SMAD3: variants seen among roughly 807,000 people sequenced by gnomAD.
SMAD3 encodes the protein MAD homolog 3.
A neutral mutation model predicts 51.8 loss-of-function variants in SMAD3; 12 were observed. That is an observed-to-expected ratio of 0.23 (90% CI 0.15 to 0.38). The LOEUF (loss-of-function observed/expected upper bound fraction) is 0.38. Ranked by LOEUF, SMAD3 falls within the 10% of genes least tolerant of loss-of-function variation. The pLI, the probability that SMAD3 is intolerant of heterozygous loss-of-function variation, is 1.00. For missense variants in SMAD3, 294 were observed against 565.6 expected (o/e 0.52, Z 4.87); for synonymous variants, 238 against 227.7 (o/e 1.05, Z -0.41).
chr15:67,136,824 G>A (rs1400095683), intron 1 of SMAD3, among the ~76,000 whole-genome samples: 1 of 152,194 alleles, frequency 6.6e-6, no homozygotes, highest in Non-Finnish European at 1.5e-5. Flanking sequence ...CCCCCCAAGG[G>A]CAGAGGATGG....
At chr15:67,067,095 T>G (rs1959941913) in intron 1 of SMAD3, among the ~76,000 whole-genome samples, 1 of 141,656 alleles carries the variant, frequency 7.1e-6, no homozygotes, top group Non-Finnish European at 1.5e-5. Context: ...TTTGCCCTTC[T>G]TTTGGTCCAA....
In SMAD3 at chr15:67,170,497, T is replaced by C. The variant is rs1962718083; in HGVS notation, c.608-57T>C. 4 of 1,436,224 alleles carry C rather than the reference T, an allele frequency of 2.8e-6. No individual in the cohort carries two copies. In the Admixed American group the frequency reaches 6.7e-5, roughly 24 times the overall value. 89.0% of individuals were successfully genotyped at this position (1,436,224 alleles called of 1,614,324 possible). On this transcript the variant is annotated intron_variant, in intron 4 of 8. Transcript: ENST00000327367. ...CCTTGATATGTAAGTGTTTAGTAACTTGGCTCTCCAGGCCAAGAATCTTTT... is the reference window on the plus strand; with the variant it reads ...CCTTGATATGTAAGTGTTTAGTAACCTGGCTCTCCAGGCCAAGAATCTTTT...
chr15:67,116,828 A>C (rs539507243), intron 1 of SMAD3, among the ~76,000 whole-genome samples: 91 of 152,326 alleles, frequency 6.0e-4, no homozygotes, highest in African/African-American at 2.1e-3. Context: ...CCAGCTAACC[A>C]GCTTTCTGCT....
Position 67,066,310 on chromosome 15 carries a change from G to A in SMAD3, c.156G>A (p.Glu52=), listed in dbSNP as rs1473140222. Residue 52 remains glutamate (E), a synonymous_variant, in exon 1 of 9, where the codon GAG becomes GAA. Transcript: ENST00000327367. ...AGACGGGGCAGCTGGACGAGCTGGA[G>A]AAGGCCATCACCACGCAGAACGTCA... The part of the protein sequence containing the change: ...LKKTGQLDEL[E]KAITTQNVNT... 6.2e-7 allele frequency: 1 copy of A among 1,613,610 alleles called. No homozygotes were observed. The highest frequency in any genetic ancestry group is 8.5e-7 in the Non-Finnish European group (1 of 1,179,856).
At chr15:67,171,358 T>G (rs1372639040) in intron 5 of SMAD3, among the ~76,000 whole-genome samples, 1 of 152,228 alleles carries the variant, frequency 6.6e-6, no homozygotes, top group African/African-American at 2.4e-5. Flanking sequence ...TTTCCAAGAC[T>G]CAATTTTCTA....
intron 4 of SMAD3, among the ~76,000 whole-genome samples, chr15:67,168,365 C>G (rs1004238086): frequency 6.6e-6 from 1 of 152,198 alleles, no homozygotes; most frequent in African/African-American, 2.4e-5. Context: ...ACCCACCCGG[C>G]GGAGTGACTA....
chr15:67,085,636 A>G (rs1288235611), intron 1 of SMAD3, among the ~76,000 whole-genome samples: 1 of 152,074 alleles, frequency 6.6e-6, no homozygotes, highest in Non-Finnish European at 1.5e-5. Flanking sequence ...AAGGTTCTCA[A>G]CCATGGCTGC....
chr15:67,191,068 A>T lies in SMAD3; in HGVS notation c.*532A>T, dbSNP rs748060441. On this transcript the variant is annotated 3_prime_UTR_variant, in exon 9 of 9. Transcript: ENST00000327367. ...CCGCCCCGCCCCACCACTCCAGCAG[A>T]CCTTGCCCCTTGTGAGCTGGATAGA... 6 of 178,254 alleles carry T rather than the reference A, an allele frequency of 3.4e-5. No individual in the cohort carries two copies. Among genetic ancestry groups the T allele is most frequent in the Non-Finnish European group, 1.1e-5 (1 of 87,884 alleles). 11.0% of individuals were successfully genotyped at this position (178,254 alleles called of 1,614,324 possible). A position where few individuals can be genotyped will look rare whatever the true frequency, so the allele number is the denominator to read the frequency against.
At chr15:67,077,136 C>A (rs183763470) in intron 1 of SMAD3, among the ~76,000 whole-genome samples, 209 of 151,898 alleles carry the variant, frequency 1.4e-3, no homozygotes, top group Non-Finnish European at 2.6e-3. Flanking sequence ...TCTGTGTAAC[C>A]GTTTGTTACC....
At chr15:67,147,009 G>A (rs1449310232) in intron 1 of SMAD3, 1 of 152,172 alleles carries the variant, frequency 6.6e-6, no homozygotes, top group Non-Finnish European at 1.5e-5. Flanking sequence ...GCCCTGCCAG[G>A]GGCCCCTCCC....
At chr15:67,127,753 G>T (rs991724099) in intron 1 of SMAD3, among the ~76,000 whole-genome samples, 5 of 152,042 alleles carry the variant, frequency 3.3e-5, no homozygotes, top group African/African-American at 1.2e-4. Flanking sequence ...TACTGTACAC[G>T]CTTATGGTCA....
At chr15:67,088,619 G>C (rs113132254) in intron 1 of SMAD3, among the ~76,000 whole-genome samples, 2 of 152,278 alleles carry the variant, frequency 1.3e-5, no homozygotes, top group African/African-American at 4.8e-5. Flanking sequence ...GGAGGGGGCA[G>C]CTGCTCTAGG....
Position 67,065,853 on chromosome 15 carries a change from T to G in SMAD3, c.-302T>G, listed in dbSNP as rs1300741592. 4.6e-6 allele frequency: 1 copy of G among 216,148 alleles called. No individual in the cohort carries two copies. Among genetic ancestry groups the G allele is most frequent in the Non-Finnish European group, 9.3e-6 (1 of 107,564 alleles). 13.4% of individuals were successfully genotyped at this position (216,148 alleles called of 1,614,324 possible). A position where few individuals can be genotyped will look rare whatever the true frequency, so the allele number is the denominator to read the frequency against. On this transcript the variant is annotated 5_prime_UTR_variant, in exon 1 of 9. Transcript: ENST00000327367. ...CCCAAACTTCTGCTGCCACTTGGAG[T>G]CTCGCGGCCGCCGCCTCCGCCCCGC... is the stretch of plus-strand genomic sequence containing the variant.
chr15:67,142,532 CT>C (rs1292839120), intron 1 of SMAD3, among the ~76,000 whole-genome samples: 1 of 152,084 alleles, frequency 6.6e-6, no homozygotes, highest in Non-Finnish European at 1.5e-5. Flanking sequence ...GTGTTAAGTG[CT>C]TTTTTCTGCT....
In SMAD3 at chr15:67,165,277, G is replaced by A. The variant is rs1962550001; in HGVS notation, c.425G>A (p.Arg142His). ...TPVLPPVLVPRHTEIPAEFPP... is the reference protein window; with the variant it reads ...TPVLPPVLVPHHTEIPAEFPP... ...GTTCTACCTCCTGTGTTGGTGCCAC[G>A]CCACACAGAGATCCCGGCCGAGTTC... The change falls in exon 3 of 9, where the codon CGC becomes CAC. Residue 142 changes from arginine to histidine, a missense_variant. Around this residue, in one of 3 missense-constraint regions of SMAD3, gnomAD observed 147 missense variants for 260.9 expected, o/e 0.56. Coordinates refer to ENST00000327367, the MANE Select transcript of SMAD3 (RefSeq NM_005902.4). The A allele has an allele frequency of 6.2e-7, 1 of 1,614,130 alleles. No individual in the cohort carries two copies. The highest frequency in any genetic ancestry group is 8.5e-7 in the Non-Finnish European group (1 of 1,180,024).
intron 1 of SMAD3, 46 bp from the exon 2 acceptor site, chr15:67,164,849 C>A (rs761800423): frequency 3.8e-6 from 6 of 1,595,530 alleles, no homozygotes; most frequent in Non-Finnish European, 5.2e-6. Flanking sequence ...AGAAAGCAAG[C>A]ACAATCCACA....
At chr15:67,129,927 A>G (rs1961481942) in intron 1 of SMAD3, among the ~76,000 whole-genome samples, 1 of 152,210 alleles carries the variant, frequency 6.6e-6, no homozygotes, top group Non-Finnish European at 1.5e-5. Flanking sequence ...TGGACACCAC[A>G]GCTACAGGAT....
intron 1 of SMAD3, among the ~76,000 whole-genome samples, chr15:67,083,085 C>T (rs893925606): frequency 6.6e-6 from 1 of 152,194 alleles, no homozygotes; most frequent in African/African-American, 2.4e-5. Flanking sequence ...CAGCTACTTT[C>T]CTGGAAAATT....
rs2140295100 is a variant in SMAD3 at position 67,165,395 on chromosome 15, G to A, written c.532+11G>A. The A allele has an allele frequency of 6.2e-7, 1 of 1,613,836 alleles. No individual in the cohort carries two copies. Among genetic ancestry groups the A allele is most frequent in the African/African-American group, 1.3e-5 (1 of 75,040 alleles). On this transcript the variant is annotated intron_variant, in intron 3 of 8. Coordinates refer to ENST00000327367, the MANE Select transcript of SMAD3 (RefSeq NM_005902.4). ...AGAGCAATATTCCAGGTAGGCACGT[G>A]GGCGGCACAGGCTGGCCTGGGAGGC...
Sources: gnomAD v4.1 joint callset for allele counts (sites outside exome capture counted in the v4.1 genomes callset) on GRCh38, gnomAD v4.1.1 for gene constraint, gnomAD v4.1.1 regional missense constraint, MANE v1.5 for transcripts, NCBI Gene and HGNC (gene_info 2026-07-23, HGNC 2026-07-21) for gene names.